PITPNC1: variants seen among roughly 807,000 people sequenced by gnomAD.
The protein encoded by PITPNC1 is cytoplasmic phosphatidylinositol transfer protein 1.
Under a neutral mutation model 44.7 loss-of-function variants are expected in PITPNC1, and 18 were observed. The ratio of observed to expected loss-of-function variants is 0.40; its 90% CI spans 0.28 to 0.60. The LOEUF is 0.60. Ranked by LOEUF, PITPNC1 falls within the 20% of genes least tolerant of loss-of-function variation. PITPNC1 has a pLI of 0.39. For synonymous variants in PITPNC1, 141 were observed against 149.6 expected, an observed-to-expected ratio of 0.94 and a Z score of 0.42; for missense variants, 290 against 418.4, an observed-to-expected ratio of 0.69 and a Z score of 2.68.
At chr17:67,623,068 G>A (rs990001256) in intron 5 of PITPNC1, among the ~76,000 whole-genome samples, 26 of 138,684 alleles carry the variant, frequency 1.9e-4, no homozygotes, top group Admixed American at 5.6e-4. Flanking sequence ...CTTTGTTGGC[G>A]TGTCTTCCTC....
At chr17:67,379,401 C>T (rs1040498251) in intron 1 of PITPNC1, 1 of 982,786 alleles carries the variant, frequency 1.0e-6, no homozygotes, top group African/African-American at 1.7e-5. Flanking sequence ...AGGTAAGACC[C>T]AAGTACAATC....
chr17:67,498,816 A>G (rs1304580711), intron 1 of PITPNC1, among the ~76,000 whole-genome samples: 1 of 148,344 alleles, frequency 6.7e-6, no homozygotes, highest in Non-Finnish European at 1.5e-5. Flanking sequence ...ATATCATTTC[A>G]TATACTCATG....
intron 5 of PITPNC1, among the ~76,000 whole-genome samples, chr17:67,598,147 G>T: frequency 6.6e-6 from 1 of 152,060 alleles, no homozygotes. Context: ...GCTTGAACCA[G>T]GGAGTCGGAG....
chr17:67,509,184 A>G (rs1426758807), intron 1 of PITPNC1, among the ~76,000 whole-genome samples: 1 of 151,474 alleles, frequency 6.6e-6, no homozygotes, highest in Non-Finnish European at 1.5e-5. Context: ...CAGTGAGCCA[A>G]GATCACGCCA....
intron 6 of PITPNC1, among the ~76,000 whole-genome samples, chr17:67,646,812 G>A (rs988381461): frequency 1.3e-5 from 2 of 152,034 alleles, no homozygotes; most frequent in African/African-American, 2.4e-5. Context: ...TTACAAGTAC[G>A]AGCCACCACT....
intron 1 of PITPNC1, among the ~76,000 whole-genome samples, chr17:67,463,374 C>T (rs545504483): frequency 6.6e-6 from 1 of 152,186 alleles, no homozygotes; most frequent in South Asian, 2.1e-4. Flanking sequence ...TATTTTCATA[C>T]ATGCAGTTGT....
intron 2 of PITPNC1, among the ~76,000 whole-genome samples, chr17:67,539,510 A>G (rs1322661075): frequency 6.6e-6 from 1 of 152,232 alleles, no homozygotes; most frequent in Admixed American, 6.5e-5. Context: ...TAAATTTCAA[A>G]TGCACATCGT....
chr17:67,442,204 C>CATATGTAT (rs2039021633), intron 1 of PITPNC1, among the ~76,000 whole-genome samples: 7 of 54,246 alleles, frequency 1.3e-4, no homozygotes, highest in African/African-American at 3.5e-4. Flanking sequence ...GGAAAATAAG[C>CATATGTAT]ATATATATAT....
intron 6 of PITPNC1, among the ~76,000 whole-genome samples, chr17:67,653,981 G>A (rs955177984): frequency 1.3e-5 from 2 of 152,126 alleles, no homozygotes; most frequent in African/African-American, 2.4e-5. Context: ...TACATGCACC[G>A]TTCAAGGAGG....
intron 1 of PITPNC1, among the ~76,000 whole-genome samples, chr17:67,519,078 A>G (rs931684577): frequency 2.0e-5 from 3 of 152,130 alleles, no homozygotes; most frequent in African/African-American, 7.2e-5. Context: ...AGAATTACCA[A>G]ATGATTGAGC....
intron 1 of PITPNC1, among the ~76,000 whole-genome samples, chr17:67,415,995 G>C (rs890790529): frequency 9.2e-5 from 14 of 152,030 alleles, no homozygotes; most frequent in Non-Finnish European, 2.1e-4. Context: ...TTGTTCGTTA[G>C]GTTGAAGAAC....
Position 67,532,891 on chromosome 17 carries a change from C to T in PITPNC1, c.138C>T (p.Pro46=), listed in dbSNP as rs758139971. 3 of 1,609,572 alleles carry T rather than the reference C, an allele frequency of 1.9e-6. No homozygotes were observed. In the East Asian group the frequency reaches 6.7e-5, roughly 36 times the overall value. Residue 46 remains proline, a synonymous_variant, in exon 2 of 9, where the codon CCC becomes CCT. Transcript: ENST00000581322. ...GGGTGGAGGTCGTCCAGAATGAGCC[C>T]TTTGAGGACCCTCACCATGGCAATG... is the stretch of plus-strand genomic sequence containing the variant. ...GEGVEVVQNE[P]FEDPHHGNGQ...
intron 1 of PITPNC1, among the ~76,000 whole-genome samples, chr17:67,532,328 T>C (rs1598788453): frequency 6.6e-6 from 1 of 151,970 alleles, no homozygotes; most frequent in East Asian, 1.9e-4. Flanking sequence ...TCCAGGAGAG[T>C]TGAGCATTTT....
At chr17:67,660,461 C>T (rs190132927) in intron 6 of PITPNC1, among the ~76,000 whole-genome samples, 20 of 152,120 alleles carry the variant, frequency 1.3e-4, no homozygotes, top group Admixed American at 3.9e-4. Context: ...GCACTTGCTA[C>T]GGGCCAGGCC....
chr17:67,535,902 G>A (rs1352385458), intron 2 of PITPNC1, among the ~76,000 whole-genome samples: 4 of 152,200 alleles, frequency 2.6e-5, no homozygotes, highest in African/African-American at 9.6e-5. Context: ...ACAGGAATTA[G>A]GGCCTCAGGC....
intron 1 of PITPNC1, among the ~76,000 whole-genome samples, chr17:67,485,760 A>G (rs536492414): frequency 2.0e-5 from 3 of 152,160 alleles, no homozygotes; most frequent in African/African-American, 7.2e-5. Context: ...GACTCTTAAG[A>G]TGTCAAGAGG....
chr17:67,612,576 A>G (rs990731092), intron 5 of PITPNC1: 5 of 152,224 alleles, frequency 3.3e-5, no homozygotes, highest in African/African-American at 1.2e-4. Context: ...TGCTCTTTCC[A>G]CCATAAACTG....
At position 67,377,975 on chromosome 17, in the gene PITPNC1, C is replaced by G. The variant is rs1231954924; in HGVS notation, c.-180C>G. ...GAGCTGCGAACACCCAGACCCAAAC[C>G]CTGACATGCTCTGGGGCGGAGAGGA... is the stretch of plus-strand genomic sequence containing the variant. On this transcript the variant is annotated 5_prime_UTR_variant, in exon 1 of 9. Coordinates refer to ENST00000581322, the MANE Select transcript of PITPNC1 (RefSeq NM_012417.4). 3 of 434,588 alleles carry G rather than the reference C, an allele frequency of 6.9e-6. No homozygotes were observed. Among genetic ancestry groups the G allele is most frequent in the Non-Finnish European group, 1.2e-5 (3 of 248,788 alleles). The allele number at this position is 434,588 out of a possible 1,614,324, so 26.9% of individuals were successfully genotyped here. A position where few individuals can be genotyped will look rare whatever the true frequency, so the allele number is the denominator to read the frequency against.
At chr17:67,471,532 CT>C in intron 1 of PITPNC1, 1 of 371,322 alleles carries the variant, frequency 2.7e-6, no homozygotes, top group Non-Finnish European at 5.1e-6. Context: ...TTTGCCATTA[CT>C]TTCAATGGCA....
Sources: allele counts gnomAD v4.1 joint callset (sites outside exome capture counted in the v4.1 genomes callset), GRCh38; gene constraint gnomAD v4.1.1; transcripts MANE v1.5; gene names NCBI Gene and HGNC (gene_info 2026-07-23, HGNC 2026-07-21).